The following PRKG1 variants were observed in gnomAD, a reference collection of about 807,000 sequenced individuals.
The protein encoded by PRKG1 is cGMP-dependent protein kinase 1.
Under a neutral mutation model 88.1 loss-of-function variants are expected in PRKG1, and 35 were observed. The observed-to-expected ratio is 0.40, with a 90% CI of 0.30 to 0.53. The LOEUF is 0.53. Ranked by LOEUF, PRKG1 falls within the 20% of genes least tolerant of loss-of-function variation. PRKG1 has a pLI of 0.59. For synonymous variants in PRKG1, 303 were observed against 292.5 expected, an observed-to-expected ratio of 1.04 and a Z score of -0.37; for missense variants, 540 against 839.8, an observed-to-expected ratio of 0.64 and a Z score of 4.41.
chr10:51,482,943 C>T (rs293314), intron 3 of PRKG1, among the ~76,000 whole-genome samples: 134,691 of 151,344 alleles, frequency 0.89, 60,269 homozygotes, highest in East Asian at 0.99. Context: ...TGTTCCAGGA[C>T]AACCATTTTT....
intron 3 of PRKG1, among the ~76,000 whole-genome samples, chr10:51,544,304 T>C (rs1375508619): frequency 2.7e-5 from 4 of 150,150 alleles, no homozygotes; most frequent in African/African-American, 9.8e-5. Context: ...GAACATGCGG[T>C]GTTTGGTTTT....
intron 2 of PRKG1, among the ~76,000 whole-genome samples, chr10:51,361,152 A>T (rs1842471981): frequency 6.6e-6 from 1 of 151,900 alleles, no homozygotes; most frequent in African/African-American, 2.4e-5. Context: ...TTGGTATATG[A>T]TGTCCAAGAC....
At chr10:51,618,865 T>C (rs1230609446) in intron 3 of PRKG1, among the ~76,000 whole-genome samples, 3 of 151,760 alleles carry the variant, frequency 2.0e-5, no homozygotes, top group Non-Finnish European at 4.4e-5. Flanking sequence ...GCCTCCTGGG[T>C]TCAAGCAATC....
At chr10:51,148,343 G>A (rs569731408) in intron 1 of PRKG1, 5 of 867,906 alleles carry the variant, frequency 5.8e-6, no homozygotes, top group Non-Finnish European at 6.9e-6. Flanking sequence ...AAATTAGTGA[G>A]TGATGTTTTT....
rs146459733 is a variant in PRKG1 at position 52,081,958 on chromosome 10, T to G, written c.935+19327T>G. Among the ~76,000 whole-genome samples, 1,255 of 152,220 alleles carry G rather than the reference T, an allele frequency of 8.2e-3. 8 individuals are homozygous for G. Among genetic ancestry groups the G allele is most frequent in the Non-Finnish European group, 0.014 (946 of 67,998 alleles). ...GTATTAGTCCATTCTCATGCTGCTA[T>G]AAAGAACTGCCTGAGATTGGGTAAC... On this transcript the variant is annotated intron_variant, in intron 7 of 17. Transcript: ENST00000373980.
chr10:51,638,828 T>G (rs2132293612), intron 3 of PRKG1, among the ~76,000 whole-genome samples: 2 of 152,212 alleles, frequency 1.3e-5, no homozygotes, highest in South Asian at 4.2e-4. Flanking sequence ...AAGAAGAAAG[T>G]CAACTAACTA....
intron 1 of PRKG1, among the ~76,000 whole-genome samples, chr10:51,009,045 A>G (rs559023667): frequency 6.6e-5 from 10 of 152,174 alleles, no homozygotes; most frequent in African/African-American, 2.4e-4. Flanking sequence ...TATGAGTTTT[A>G]TAAGGATTTA....
intron 2 of PRKG1, among the ~76,000 whole-genome samples, chr10:51,463,393 C>T (rs1839796478): frequency 6.6e-6 from 1 of 151,982 alleles, no homozygotes; most frequent in Non-Finnish European, 1.5e-5. Flanking sequence ...TTTGTTTTAC[C>T]CTCTTTGCCA....
chr10:51,139,210 G>A (rs1271471133), intron 1 of PRKG1, among the ~76,000 whole-genome samples: 2 of 152,122 alleles, frequency 1.3e-5, no homozygotes, highest in Non-Finnish European at 2.9e-5. Context: ...TGAGAAATAA[G>A]ACCATGATAA....
At chr10:52,095,298 T>C (rs1847147207) in intron 7 of PRKG1, among the ~76,000 whole-genome samples, 1 of 152,110 alleles carries the variant, frequency 6.6e-6, no homozygotes, top group Non-Finnish European at 1.5e-5. Context: ...TATCACTCTC[T>C]CAATGAGAAC....
intron 2 of PRKG1, among the ~76,000 whole-genome samples, chr10:51,221,020 T>C (rs1453934853): frequency 6.6e-6 from 1 of 152,100 alleles, no homozygotes; most frequent in East Asian, 1.9e-4. Context: ...CAGCACTGGG[T>C]TATTGTTTAG....
chr10:52,069,393 C>T (rs11000687), intron 7 of PRKG1, among the ~76,000 whole-genome samples: 26,239 of 151,686 alleles, frequency 0.17, 2,868 homozygotes, highest in South Asian at 0.28. Flanking sequence ...TATCCAGTTG[C>T]GATGGCACAA....
At chr10:51,002,801 G>T (rs955846093) in intron 1 of PRKG1, among the ~76,000 whole-genome samples, 1 of 152,182 alleles carries the variant, frequency 6.6e-6, no homozygotes, top group Non-Finnish European at 1.5e-5. Flanking sequence ...GTAAAAGGAA[G>T]TTGTACTCTG....
chr10:51,819,545 C>T (rs1839688887), intron 4 of PRKG1, among the ~76,000 whole-genome samples: 1 of 152,168 alleles, frequency 6.6e-6, no homozygotes, highest in Non-Finnish European at 1.5e-5. Context: ...TCACCTGGCT[C>T]ATCGTGTCCT....
rs1260012105 is a variant in PRKG1 at position 51,553,920 on chromosome 10, TAA to T, written c.592+86085_592+86086del. ...TATGTATGTATTAGATACGTGTATA[TAA>T]TATATGTATGTATTAGATACGTGTA... On this transcript the variant is annotated intron_variant, in intron 3 of 17. Coordinates refer to ENST00000373980, the MANE Select transcript of PRKG1 (RefSeq NM_006258.4). Among the ~76,000 whole-genome samples, 12 of 133,924 alleles carry T rather than the reference TAA, an allele frequency of 9.0e-5. 1 individual carries two copies. The highest frequency in any genetic ancestry group is 3.4e-4 in the African/African-American group (12 of 34,948). The allele number at this position is 133,924 out of a possible 152,430, so 87.9% of individuals were successfully genotyped here.
At chr10:52,254,684 C>T (rs1011746729) in intron 10 of PRKG1, among the ~76,000 whole-genome samples, 1 of 151,898 alleles carries the variant, frequency 6.6e-6, no homozygotes, top group African/African-American at 2.4e-5. Flanking sequence ...GACTTTTTAG[C>T]ATTTCTTAAT....
intron 4 of PRKG1, among the ~76,000 whole-genome samples, chr10:51,838,617 G>C (rs529065954): frequency 1.2e-4 from 19 of 152,128 alleles, no homozygotes; most frequent in Admixed American, 9.2e-4. Flanking sequence ...ACTCCCTGGG[G>C]CTGAAATGTC....
chr10:51,355,830 A>C (rs934552136), intron 2 of PRKG1, among the ~76,000 whole-genome samples: 1 of 151,982 alleles, frequency 6.6e-6, no homozygotes, highest in Admixed American at 6.6e-5. Flanking sequence ...AATATTCCCA[A>C]TGATAGTAGT....
chr10:51,048,281 A>C, intron 1 of PRKG1, among the ~76,000 whole-genome samples: 1 of 146,078 alleles, frequency 6.8e-6, no homozygotes, highest in African/African-American at 2.5e-5. Flanking sequence ...TCTTTCTTTT[A>C]CTTCCCCTCT....
Sources: allele counts gnomAD v4.1 joint callset (sites outside exome capture counted in the v4.1 genomes callset), GRCh38; gene constraint gnomAD v4.1.1; transcripts MANE v1.5; gene names NCBI Gene and HGNC (gene_info 2026-07-23, HGNC 2026-07-21).